CDK14: variants seen among roughly 807,000 people sequenced by gnomAD.
CDK14 encodes the protein cyclin-dependent kinase 14.
In CDK14, 34 loss-of-function variants were observed where a neutral mutation model predicts 60.7. The ratio of observed to expected loss-of-function variants is 0.56; its 90% CI spans 0.43 to 0.75. The LOEUF (loss-of-function observed/expected upper bound fraction) is 0.75, where lower values mean the gene tolerates loss of function less well. Ranked by LOEUF, CDK14 falls within the 30% of genes least tolerant of loss-of-function variation. The probability of loss-of-function intolerance (pLI) is 0.00; values close to 1 mark genes in which losing one functional copy is unlikely to be tolerated. For synonymous variants in CDK14, 197 were observed against 203.7 expected (o/e 0.97, Z 0.28); for missense variants, 482 against 564.1 (o/e 0.85, Z 1.47).
At chr7:91,014,756 A>G (rs994306161) in intron 10 of CDK14, among the ~76,000 whole-genome samples, 3 of 152,322 alleles carry the variant, frequency 2.0e-5, no homozygotes, top group Non-Finnish European at 4.4e-5. Flanking sequence ...GATTTCAGAT[A>G]TAAATATTAA....
At chr7:90,757,904 G>A (rs2888811) in intron 4 of CDK14, among the ~76,000 whole-genome samples, 11,146 of 152,144 alleles carry the variant, frequency 0.073, 512 homozygotes, top group South Asian at 0.11. Context: ...TGCCCAGTGG[G>A]TGTGTGTAAT....
At chr7:90,924,978 A>G (rs1793371351) in intron 8 of CDK14, among the ~76,000 whole-genome samples, 1 of 152,210 alleles carries the variant, frequency 6.6e-6, no homozygotes, top group South Asian at 2.1e-4. Context: ...AAAATTAAAA[A>G]TAAAAACCAA....
intron 2 of CDK14, among the ~76,000 whole-genome samples, chr7:90,609,648 T>C (rs1030300485): frequency 1.3e-5 from 2 of 152,202 alleles, no homozygotes; most frequent in Non-Finnish European, 2.9e-5. Context: ...CAGAAGTCAC[T>C]AGGATTCCTG....
intron 2 of CDK14, among the ~76,000 whole-genome samples, chr7:90,684,615 C>T (rs1482103376): frequency 6.6e-6 from 1 of 152,188 alleles, no homozygotes; most frequent in Non-Finnish European, 1.5e-5. Flanking sequence ...CTTACCTCTC[C>T]ACCCTCCATA....
At chr7:90,756,344 A>G (rs1804056982) in intron 4 of CDK14, among the ~76,000 whole-genome samples, 1 of 152,246 alleles carries the variant, frequency 6.6e-6, no homozygotes, top group South Asian at 2.1e-4. Context: ...TTGAAGATTT[A>G]TTTCAAAATC....
At chr7:91,113,261 G>T (rs1799521384) in intron 13 of CDK14, among the ~76,000 whole-genome samples, 1 of 152,226 alleles carries the variant, frequency 6.6e-6, no homozygotes, top group Admixed American at 6.5e-5. Flanking sequence ...GAATTGACAT[G>T]TACAGACTGA....
chr7:90,717,046 A>T (rs529923791), intron 2 of CDK14, among the ~76,000 whole-genome samples: 3 of 152,182 alleles, frequency 2.0e-5, no homozygotes, highest in African/African-American at 7.2e-5. Flanking sequence ...TGCTAACTAC[A>T]TTCTGAAAAA....
intron 2 of CDK14, among the ~76,000 whole-genome samples, chr7:90,689,242 A>G (rs1437712680): frequency 6.6e-6 from 1 of 152,210 alleles, no homozygotes; most frequent in Non-Finnish European, 1.5e-5. Flanking sequence ...TTCAGGAGCC[A>G]TAGAAAGAAG....
At chr7:91,141,593 G>T (rs1213583960) in intron 14 of CDK14, among the ~76,000 whole-genome samples, 1 of 108,754 alleles carries the variant, frequency 9.2e-6, no homozygotes, top group Non-Finnish European at 2.0e-5. Context: ...ACAGACAACA[G>T]AGAAAGTAAG....
chr7:90,613,531 A>G (rs1469473579), intron 2 of CDK14, among the ~76,000 whole-genome samples: 1 of 151,848 alleles, frequency 6.6e-6, no homozygotes, highest in Non-Finnish European at 1.5e-5. Flanking sequence ...TACTAAAAAT[A>G]CAAAAATTAG....
intron 14 of CDK14, among the ~76,000 whole-genome samples, chr7:91,153,615 C>T (rs890109393): frequency 1.3e-5 from 2 of 152,106 alleles, no homozygotes; most frequent in Non-Finnish European, 2.9e-5. Flanking sequence ...TTTTCTCTGG[C>T]AAACTAATGC....
At chr7:90,730,602 A>T (rs992385791) in intron 3 of CDK14, among the ~76,000 whole-genome samples, 11 of 152,172 alleles carry the variant, frequency 7.2e-5, no homozygotes, top group Middle Eastern at 3.4e-3. Flanking sequence ...TTCTCTACTG[A>T]CCAGTGATGA....
chr7:90,681,102 T>C (rs964116565), intron 2 of CDK14, among the ~76,000 whole-genome samples: 3 of 152,232 alleles, frequency 2.0e-5, no homozygotes, highest in Non-Finnish European at 4.4e-5. Context: ...TTATGTTCTG[T>C]TATTCCCTTT....
intron 2 of CDK14, among the ~76,000 whole-genome samples, chr7:90,649,252 C>G (rs866423298): frequency 1.7e-3 from 79 of 45,434 alleles, no homozygotes; most frequent in African/African-American, 5.2e-3. Flanking sequence ...TTCTTTCTTT[C>G]TTTCTTTCTT....
Position 91,058,857 on chromosome 7 carries a change from A to G in CDK14, c.1105+12897A>G, listed in dbSNP as rs541383923. Among the ~76,000 whole-genome samples, 17 of 152,302 alleles carry G rather than the reference A, an allele frequency of 1.1e-4. 3 individuals carry two copies. Among genetic ancestry groups the G allele is most frequent in the African/African-American group, 3.9e-4 (16 of 41,558 alleles). On this transcript the variant is annotated intron_variant, in intron 11 of 14. Transcript: ENST00000380050. ...CAATGTTTATCACGGATATTGGTCTAAAATTCTCTTTTTTTGTTGTGTCTC... is the reference window on the plus strand; with the variant it reads ...CAATGTTTATCACGGATATTGGTCTGAAATTCTCTTTTTTTGTTGTGTCTC...
chr7:90,684,715 G>C (rs1007540590), intron 2 of CDK14, among the ~76,000 whole-genome samples: 1 of 152,100 alleles, frequency 6.6e-6, no homozygotes, highest in Non-Finnish European at 1.5e-5. Flanking sequence ...GCATATCAAA[G>C]AATTTGGGTA....
intron 10 of CDK14, among the ~76,000 whole-genome samples, chr7:91,044,639 G>A (rs1331996767): frequency 2.0e-5 from 3 of 152,120 alleles, no homozygotes; most frequent in Admixed American, 6.5e-5. Flanking sequence ...GGAGGGGTCC[G>A]TTCAGATGGT....
At chr7:90,946,339 A>C (rs2117529891) in intron 8 of CDK14, among the ~76,000 whole-genome samples, 1 of 152,328 alleles carries the variant, frequency 6.6e-6, no homozygotes, top group African/African-American at 2.4e-5. Context: ...CAAGACAACC[A>C]AGATTGTCAC....
intron 8 of CDK14, among the ~76,000 whole-genome samples, chr7:90,951,848 T>C (rs1794272943): frequency 6.6e-6 from 1 of 152,156 alleles, no homozygotes; most frequent in Non-Finnish European, 1.5e-5. Flanking sequence ...CTAGCACCTA[T>C]GCCTAGTAAG....
Sources: allele counts gnomAD v4.1 joint callset (sites outside exome capture counted in the v4.1 genomes callset), GRCh38; gene constraint gnomAD v4.1.1; transcripts MANE v1.5; gene names NCBI Gene and HGNC (gene_info 2026-07-23, HGNC 2026-07-21).